Variants in DYM observed in about 807,000 individuals in gnomAD.
DYM encodes the protein dymeclin, also known as dyggve-Melchior-Clausen syndrome protein.
In DYM, 78 loss-of-function variants were observed where a neutral mutation model predicts 93.1. The observed-to-expected ratio is 0.84, with a 90% CI of 0.70 to 1.01. The LOEUF is 1.01. Among genes scored for constraint, DYM ranks in the 50% least tolerant of loss-of-function variants. DYM has a pLI of 0.00. For missense variants in DYM, 789 were observed against 845.0 expected, an observed-to-expected ratio of 0.93 and a Z score of 0.82; for synonymous variants, 321 against 319.7, an observed-to-expected ratio of 1.00 and a Z score of -0.04.
intron 2 of DYM, among the ~76,000 whole-genome samples, chr18:49,415,270 A>C (rs1391530961): frequency 6.8e-6 from 1 of 147,176 alleles, no homozygotes. Flanking sequence ...CAGTAAGCTG[A>C]GATCACACCA....
intron 15 of DYM, among the ~76,000 whole-genome samples, chr18:49,147,697 G>A (rs1430555902): frequency 6.6e-6 from 1 of 151,908 alleles, no homozygotes; most frequent in Non-Finnish European, 1.5e-5. Flanking sequence ...GAAACAACAG[G>A]TGCTGGAGAG....
chr18:49,415,593 T>A (rs1247340918), intron 2 of DYM, among the ~76,000 whole-genome samples: 2 of 152,062 alleles, frequency 1.3e-5, no homozygotes, highest in African/African-American at 4.8e-5. Context: ...TAATACAATT[T>A]CTGTAACACA....
intron 5 of DYM, among the ~76,000 whole-genome samples, chr18:49,372,872 A>G (rs1568334968): frequency 8.0e-6 from 1 of 125,076 alleles, no homozygotes; most frequent in African/African-American, 2.8e-5. Flanking sequence ...ACAGAATCAC[A>G]GAGATTACCA....
In DYM at chr18:49,432,095, G is replaced by T. The variant is rs1348422291; in HGVS notation, c.-53-1648C>A. Reference sequence around the variant, plus strand: ...CTATAAAAGAAATATCCTGAAGGCCGGGCGCTGTGGCTCACGCCTGTAATC... The same window carrying T: ...CTATAAAAGAAATATCCTGAAGGCCTGGCGCTGTGGCTCACGCCTGTAATC... On this transcript the variant is annotated intron_variant, in intron 1 of 17. Coordinates refer to ENST00000675505, the MANE Select transcript of DYM (RefSeq NM_001353214.3). Among the ~76,000 whole-genome samples, 6 of 152,150 alleles carry T rather than the reference G, an allele frequency of 3.9e-5. No individual in the cohort carries two copies. The East Asian group carries it at 1.2e-3, about 29-fold the overall frequency.
intron 8 of DYM, among the ~76,000 whole-genome samples, chr18:49,289,839 C>T (rs764897868): frequency 1.2e-3 from 162 of 136,474 alleles, no homozygotes; most frequent in Non-Finnish European, 2.0e-3. Context: ...ATATTTTAAA[C>T]GGACAACGGA....
chr18:49,255,365 G>C (rs2094370697), intron 13 of DYM, among the ~76,000 whole-genome samples: 1 of 152,020 alleles, frequency 6.6e-6, no homozygotes, highest in Admixed American at 6.6e-5. Flanking sequence ...TTGACAGAGT[G>C]AAACCCTGTC....
chr18:49,401,337 T>A (rs1160809870), intron 2 of DYM, among the ~76,000 whole-genome samples: 1 of 152,222 alleles, frequency 6.6e-6, no homozygotes, highest in Non-Finnish European at 1.5e-5. Flanking sequence ...TCTCAGAGGA[T>A]GGCCACACTA....
At chr18:49,170,034 T>C (rs1450514265) in intron 14 of DYM, among the ~76,000 whole-genome samples, 2 of 151,008 alleles carry the variant, frequency 1.3e-5, no homozygotes, top group East Asian at 1.9e-4. Context: ...ACTGACATGC[T>C]AGGAATACAA....
Position 49,119,033 on chromosome 18 carries a change from T to C in DYM, c.1729-107A>G. 4.4e-6 allele frequency: 4 copies of C among 918,848 alleles called. No individual in the cohort carries two copies. In the South Asian group the frequency reaches 5.8e-5, roughly 13 times the overall value. 56.9% of individuals were successfully genotyped at this position (918,848 alleles called of 1,614,324 possible). ...CAAAATTATAACAGCATTGGAAAGA[T>C]CATGAAGAGAAGAAGCTCATCAAGA... On this transcript the variant is annotated intron_variant, in intron 15 of 17. Transcript: ENST00000675505.
chr18:49,130,352 A>G (rs2083271035), intron 15 of DYM, among the ~76,000 whole-genome samples: 1 of 152,240 alleles, frequency 6.6e-6, no homozygotes, highest in Non-Finnish European at 1.5e-5. Flanking sequence ...ACCAACTCCC[A>G]TTAATAGTCT....
chr18:49,047,720 TG>T (rs1568338062), intron 17 of DYM, among the ~76,000 whole-genome samples: 1 of 152,078 alleles, frequency 6.6e-6, no homozygotes, highest in Non-Finnish European at 1.5e-5. Flanking sequence ...CAGCCCGACA[TG>T]GGGTTCTCAG....
chr18:49,148,447 AG>A (rs1186621285), intron 15 of DYM, among the ~76,000 whole-genome samples: 1 of 152,056 alleles, frequency 6.6e-6, no homozygotes, highest in Admixed American at 6.6e-5. Flanking sequence ...TTGTAGACAC[AG>A]GGTCTCCCTA....
intron 16 of DYM, among the ~76,000 whole-genome samples, chr18:49,103,844 G>A (rs1379239366): frequency 2.6e-5 from 4 of 151,328 alleles, no homozygotes; most frequent in Admixed American, 6.6e-5. Flanking sequence ...GTCAGGTAGC[G>A]TGATGCCTCC....
At chr18:49,359,566 G>A (rs779434931) in intron 6 of DYM, among the ~76,000 whole-genome samples, 31 of 152,048 alleles carry the variant, frequency 2.0e-4, no homozygotes, top group Non-Finnish European at 4.1e-4. Context: ...TTATAATAAG[G>A]TATCATTTAC....
chr18:49,196,525 G>A (rs1211171396), intron 14 of DYM, among the ~76,000 whole-genome samples: 2 of 152,098 alleles, frequency 1.3e-5, no homozygotes, highest in Non-Finnish European at 2.9e-5. Flanking sequence ...CAGCAAAAGT[G>A]AGAGAGTGCG....
At chr18:49,430,732 A>C (rs923405664) in intron 1 of DYM, among the ~76,000 whole-genome samples, 3 of 152,184 alleles carry the variant, frequency 2.0e-5, no homozygotes, top group African/African-American at 7.2e-5. Flanking sequence ...TAAAAATACA[A>C]AACTTAGCTG....
chr18:49,341,349 G>A lies in DYM; in HGVS notation c.495-7496C>T, dbSNP rs141242972. ...CTACTAAAAATACAAAAAATTAGCC[G>A]GGCATGGTGGCAGGCACCTGTAGTC... is the stretch of plus-strand genomic sequence containing the variant. On this transcript the variant is annotated intron_variant, in intron 6 of 17. Transcript: ENST00000675505. Among the ~76,000 whole-genome samples, 462 of 152,022 alleles carry A rather than the reference G, an allele frequency of 3.0e-3. 1 individual carries two copies. Among genetic ancestry groups the A allele is most frequent in the African/African-American group, 0.011 (442 of 41,470 alleles).
At chr18:49,369,668 T>C (rs990709324) in intron 5 of DYM, among the ~76,000 whole-genome samples, 7 of 152,250 alleles carry the variant, frequency 4.6e-5, no homozygotes, top group South Asian at 2.1e-4. Flanking sequence ...TGATATTTTA[T>C]TGGAGTTCCA....
At chr18:49,079,820 G>C (rs1336204612) in intron 17 of DYM, among the ~76,000 whole-genome samples, 5 of 151,784 alleles carry the variant, frequency 3.3e-5, no homozygotes, top group South Asian at 4.2e-4. Flanking sequence ...ACACAAACAC[G>C]GCAACCATCC....
Sources: allele counts gnomAD v4.1 joint callset (sites outside exome capture counted in the v4.1 genomes callset), GRCh38; gene constraint gnomAD v4.1.1; transcripts MANE v1.5; gene names NCBI Gene and HGNC (gene_info 2026-07-23, HGNC 2026-07-21).